UNC5C: variants seen among roughly 807,000 people sequenced by gnomAD.
The protein encoded by UNC5C is unc-5 netrin receptor C.
Under a neutral mutation model 99.8 loss-of-function variants are expected in UNC5C, and 47 were observed. The ratio of observed to expected loss-of-function variants is 0.47; its 90% confidence interval spans 0.37 to 0.60. UNC5C has a LOEUF of 0.60. Ranked by LOEUF, UNC5C falls within the 20% of genes least tolerant of loss-of-function variation. UNC5C has a pLI of 0.00. For synonymous variants in UNC5C, 487 were observed against 452.2 expected (o/e 1.08, Z -0.98); for missense variants, 1,062 against 1,165.9 (o/e 0.91, Z 1.30).
intron 2 of UNC5C, among the ~76,000 whole-genome samples, chr4:95,325,235 A>G (rs982876564): frequency 7.9e-5 from 12 of 152,216 alleles, no homozygotes; most frequent in Non-Finnish European, 8.8e-5. Flanking sequence ...AAACCATTAT[A>G]TATTTTTAAG....
intron 1 of UNC5C, among the ~76,000 whole-genome samples, chr4:95,427,151 AT>A (rs952187763): frequency 6.6e-6 from 1 of 152,192 alleles, no homozygotes; most frequent in African/African-American, 2.4e-5. Context: ...AAAGTGGAAC[AT>A]GAAGATGTGA....
intron 5 of UNC5C, among the ~76,000 whole-genome samples, chr4:95,247,177 A>C (rs1253174684): frequency 2.6e-5 from 4 of 152,100 alleles, no homozygotes; most frequent in Non-Finnish European, 4.4e-5. Context: ...AATTTTCTTT[A>C]ATGGATGTAT....
At chr4:95,356,089 C>T (rs1744175654) in intron 1 of UNC5C, among the ~76,000 whole-genome samples, 1 of 148,718 alleles carries the variant, frequency 6.7e-6, no homozygotes, top group Non-Finnish European at 1.5e-5. Context: ...ACTCAGGAGG[C>T]TGAGGTTGGA....
At position 95,359,347 on chromosome 4, in the gene UNC5C, A is replaced by G. The variant is rs557097161; in HGVS notation, c.125-23716T>C. ...TTGTTTACAAATTTAAGAATCAGGC[A>G]TGTAACTTCTTTTGTTGGCCAAAGG... On this transcript the variant is annotated intron_variant, in intron 1 of 15. Transcript: ENST00000453304. Among the ~76,000 whole-genome samples the G allele has an allele frequency of 8.5e-5, 13 of 152,306 alleles. No homozygotes were observed. In the South Asian group the frequency reaches 2.1e-3, roughly 24 times the overall value.
intron 1 of UNC5C, among the ~76,000 whole-genome samples, chr4:95,486,081 C>T (rs1721320475): frequency 6.6e-6 from 1 of 151,690 alleles, no homozygotes; most frequent in South Asian, 2.1e-4. Flanking sequence ...ATGATTTAAT[C>T]AGCTTTGATT....
At chr4:95,423,306 A>C (rs746378365) in intron 1 of UNC5C, among the ~76,000 whole-genome samples, 1 of 152,196 alleles carries the variant, frequency 6.6e-6, no homozygotes, top group Non-Finnish European at 1.5e-5. Flanking sequence ...CCCAGAAAGC[A>C]CAGGGATTAT....
chr4:95,486,935 T>C (rs1488804014), intron 1 of UNC5C, among the ~76,000 whole-genome samples: 1 of 151,706 alleles, frequency 6.6e-6, no homozygotes, highest in African/African-American at 2.4e-5. Context: ...CAGGGCTCCA[T>C]TCTCATGAAT....
intron 1 of UNC5C, among the ~76,000 whole-genome samples, chr4:95,424,284 G>A (rs1373319392): frequency 6.6e-6 from 1 of 150,770 alleles, no homozygotes; most frequent in Non-Finnish European, 1.5e-5. Context: ...ATGTGTGTGT[G>A]TACACACGGA....
chr4:95,344,944 T>A (rs1743714418), intron 1 of UNC5C, among the ~76,000 whole-genome samples: 1 of 151,814 alleles, frequency 6.6e-6, no homozygotes, highest in African/African-American at 2.4e-5. Flanking sequence ...AGAAGATGAC[T>A]GCAAAACAAA....
At chr4:95,224,950 G>A (rs559410324) in intron 7 of UNC5C, among the ~76,000 whole-genome samples, 4 of 151,646 alleles carry the variant, frequency 2.6e-5, no homozygotes, top group South Asian at 2.1e-4. Context: ...GATGAGAAAC[G>A]ACAATAAATA....
At chr4:95,444,041 C>T (rs544126368) in intron 1 of UNC5C, among the ~76,000 whole-genome samples, 1 of 152,202 alleles carries the variant, frequency 6.6e-6, no homozygotes, top group South Asian at 2.1e-4. Context: ...ATTAATATAG[C>T]GCATCTCCAT....
chr4:95,341,328 C>G (rs1165604358), intron 1 of UNC5C, among the ~76,000 whole-genome samples: 1 of 151,916 alleles, frequency 6.6e-6, no homozygotes, highest in Admixed American at 6.6e-5. Context: ...CTGAAACATC[C>G]AAGCAAAAGT....
chr4:95,481,410 A>C (rs929865706), intron 1 of UNC5C, among the ~76,000 whole-genome samples: 7 of 152,128 alleles, frequency 4.6e-5, no homozygotes, highest in Admixed American at 1.3e-4. Context: ...GGAAGAATCA[A>C]TATCGTGAAA....
At chr4:95,412,493 G>A (rs1292345862) in intron 1 of UNC5C, among the ~76,000 whole-genome samples, 1 of 152,052 alleles carries the variant, frequency 6.6e-6, no homozygotes, top group Non-Finnish European at 1.5e-5. Flanking sequence ...TGTTTTTCAA[G>A]TATTGAGAGC....
At chr4:95,359,474 C>T (rs1439351292) in intron 1 of UNC5C, among the ~76,000 whole-genome samples, 3 of 148,784 alleles carry the variant, frequency 2.0e-5, no homozygotes, top group Admixed American at 1.3e-4. Flanking sequence ...TAATTGCTAC[C>T]TATACTGTTT....
intron 1 of UNC5C, among the ~76,000 whole-genome samples, chr4:95,438,588 T>G (rs969476346): frequency 2.6e-5 from 4 of 152,144 alleles, no homozygotes; most frequent in Non-Finnish European, 4.4e-5. Context: ...AATATAGTTA[T>G]CACTCAAAAA....
At position 95,182,991 on chromosome 4, in the gene UNC5C, A is replaced by C. The variant is rs1360366123; in HGVS notation, c.2357T>G (p.Phe786Cys). ...AACCAGCTCCACTGTGTTCAGGCTA[A>C]ATCTTTCCAGAGTGAAGGTGCAGTG... ...NLHCTFTLERFSLNTVELVCK... is the reference protein window; with the variant it reads ...NLHCTFTLERCSLNTVELVCK... Residue 786 changes from phenylalanine to cysteine, a missense_variant, in exon 14 of 16, where the codon TTT becomes TGT. Phe to Cys is a radical substitution (Grantham distance 205). Transcript: ENST00000453304. 1.2e-6 allele frequency: 2 copies of C among 1,613,668 alleles called. No homozygotes were observed. The highest frequency in any genetic ancestry group is 2.2e-5 in the South Asian group (2 of 91,014).
intron 12 of UNC5C, among the ~76,000 whole-genome samples, chr4:95,191,621 TC>T (rs1177191893): frequency 1.4e-5 from 2 of 147,164 alleles, no homozygotes; most frequent in African/African-American, 2.5e-5. Flanking sequence ...CTGCTCGCAC[TC>T]CTCTCCTGCT....
intron 1 of UNC5C, among the ~76,000 whole-genome samples, chr4:95,488,494 G>T (rs1360119727): frequency 6.6e-6 from 1 of 151,686 alleles, no homozygotes. Flanking sequence ...CTGAGAACTG[G>T]TTCTTTAACA....
Sources: allele counts gnomAD v4.1 joint callset (sites outside exome capture counted in the v4.1 genomes callset), GRCh38; gene constraint gnomAD v4.1.1; transcripts MANE v1.5; gene names NCBI Gene and HGNC (gene_info 2026-07-23, HGNC 2026-07-21).